SLC6A11: variants seen among roughly 807,000 people sequenced by gnomAD.
SLC6A11 encodes solute carrier family 6 member 11, also known as sodium- and chloride-dependent GABA transporter 3.
A neutral mutation model predicts 74.8 loss-of-function variants in SLC6A11; 25 were observed. The ratio of observed to expected loss-of-function variants is 0.33; its 90% confidence interval spans 0.24 to 0.47. The LOEUF is 0.47. Ranked by LOEUF, SLC6A11 falls within the 20% of genes least tolerant of loss-of-function variation. The pLI is 1.00. For missense variants in SLC6A11, 574 were observed against 837.0 expected, an observed-to-expected ratio of 0.69 and a Z score of 3.88; for synonymous variants, 330 against 330.2, an observed-to-expected ratio of 1.00 and a Z score of 0.01.
intron 5 of SLC6A11, among the ~76,000 whole-genome samples, chr3:10,861,702 G>T (rs992284439): frequency 2.6e-5 from 4 of 152,166 alleles, no homozygotes; most frequent in Non-Finnish European, 5.9e-5. Flanking sequence ...GTCCCTGGGG[G>T]ACCCTGGTGT....
At chr3:10,935,336 C>G (rs1482961739) in intron 13 of SLC6A11, 137 bp downstream of exon 13, 1 of 741,166 alleles carries the variant, frequency 1.3e-6, no homozygotes, top group Non-Finnish European at 2.2e-6. Flanking sequence ...TCCTCTCTGG[C>G]CAATGTTCAG....
At chr3:10,889,362 G>A (rs1228689507) in intron 6 of SLC6A11, among the ~76,000 whole-genome samples, 1 of 152,046 alleles carries the variant, frequency 6.6e-6, no homozygotes, top group East Asian at 1.9e-4. Flanking sequence ...GTGCAATGTT[G>A]TAGCTCCAGT....
Position 10,926,186 on chromosome 3 carries a change from T to A in SLC6A11, c.1233+70T>A. ...GGGCCAGGAGGCCAGACGCCACCCTTAGGAGTGGCTCCCCAGGCCCAGCCA... is the reference window on the plus strand; with the variant it reads ...GGGCCAGGAGGCCAGACGCCACCCTAAGGAGTGGCTCCCCAGGCCCAGCCA... On this transcript the variant is annotated intron_variant, in intron 9 of 13. Coordinates refer to ENST00000254488, the MANE Select transcript of SLC6A11 (RefSeq NM_014229.3). This position sits in a 1 kb window ranked among gnomAD's most constrained non-coding sequence, Gnocchi z 5.7. 1.0e-6 allele frequency: 1 copy of A among 986,142 alleles called. No homozygotes were observed. Among genetic ancestry groups the A allele is most frequent in the Non-Finnish European group, 1.6e-6 (1 of 644,522 alleles). 61.1% of individuals were successfully genotyped at this position (986,142 alleles called of 1,614,324 possible). A position where few individuals can be genotyped will look rare whatever the true frequency, so the allele number is the denominator to read the frequency against.
intron 6 of SLC6A11, among the ~76,000 whole-genome samples, chr3:10,908,516 A>T (rs1433016797): frequency 1.3e-5 from 2 of 152,188 alleles, no homozygotes; most frequent in Non-Finnish European, 2.9e-5. Flanking sequence ...TTAAAGATTC[A>T]TGTGAATCTT....
chr3:10,845,742 CA>C, intron 5 of SLC6A11, among the ~76,000 whole-genome samples: 1 of 152,206 alleles, frequency 6.6e-6, no homozygotes, highest in East Asian at 1.9e-4. Context: ...GAAAGTAGAG[CA>C]GAGACTCTCA....
At chr3:10,833,505 G>A (rs998009293) in intron 4 of SLC6A11, among the ~76,000 whole-genome samples, 13 of 152,176 alleles carry the variant, frequency 8.5e-5, no homozygotes, top group Non-Finnish European at 1.0e-4. Flanking sequence ...GATGCCATCC[G>A]AATGCTATAC....
intron 5 of SLC6A11, among the ~76,000 whole-genome samples, chr3:10,874,704 A>G (rs770806229): frequency 1.3e-5 from 2 of 152,112 alleles, no homozygotes; most frequent in Admixed American, 6.5e-5. Flanking sequence ...CACAACTGCC[A>G]TCCCACTCTT....
chr3:10,934,642 A>T (rs1695734963), intron 12 of SLC6A11, among the ~76,000 whole-genome samples: 1 of 152,264 alleles, frequency 6.6e-6, no homozygotes, highest in African/African-American at 2.4e-5. Context: ...CACTGGAAGT[A>T]ACTCAGCATC....
intron 6 of SLC6A11, among the ~76,000 whole-genome samples, chr3:10,910,521 G>A (rs1695372188): frequency 6.6e-6 from 1 of 152,198 alleles, no homozygotes; most frequent in Admixed American, 6.5e-5. Flanking sequence ...GTCTGGGTCA[G>A]AAGATAGTGA....
chr3:10,908,390 G>T (rs946501201), intron 6 of SLC6A11, among the ~76,000 whole-genome samples: 2 of 152,162 alleles, frequency 1.3e-5, no homozygotes, highest in Admixed American at 6.5e-5. Context: ...AAAAGGGGAG[G>T]ATTAAGCGTA....
intron 5 of SLC6A11, among the ~76,000 whole-genome samples, chr3:10,845,932 G>A (rs1694497065): frequency 6.6e-6 from 1 of 152,164 alleles, no homozygotes; most frequent in African/African-American, 2.4e-5. Flanking sequence ...AAAGCTGGAG[G>A]TAATAAGAGC....
intron 5 of SLC6A11, among the ~76,000 whole-genome samples, chr3:10,874,367 G>A (rs535049683): frequency 5.0e-4 from 76 of 152,324 alleles, no homozygotes; most frequent in African/African-American, 1.7e-3. Flanking sequence ...AGCACTGAGA[G>A]ACCTAGCCTG....
At chr3:10,856,926 T>C (rs1373383205) in intron 5 of SLC6A11, among the ~76,000 whole-genome samples, 1 of 152,170 alleles carries the variant, frequency 6.6e-6, no homozygotes, top group African/African-American at 2.4e-5. Flanking sequence ...CGGGTTGTTA[T>C]AAGGCTCAAG....
rs754572937 is a variant in SLC6A11 at position 10,912,106 on chromosome 3, G to A, written c.908G>A (p.Gly303Glu). 1 of 1,613,468 alleles carries A rather than the reference G, an allele frequency of 6.2e-7. No individual in the cohort carries two copies. Among genetic ancestry groups the A allele is most frequent in the Admixed American group, 1.7e-5 (1 of 60,020 alleles). Residue 303 changes from glycine to glutamate, a missense_variant, in exon 7 of 14, where the codon GGA becomes GAA. Physicochemically the swap from Gly to Glu is moderately conservative, Grantham distance 98. This residue lies in a region of SLC6A11 where 215 missense variants were observed against 357.9 expected (regional missense o/e 0.60). Transcript: ENST00000254488. The part of the protein sequence containing the change: ...LSDPQVWVDA[G>E]TQIFFSYAIC... Reference sequence around the variant, plus strand: ...TTCCTACAGGTCTGGGTAGATGCTGGAACGCAGATCTTTTTCTCCTATGCC... The same window carrying A: ...TTCCTACAGGTCTGGGTAGATGCTGAAACGCAGATCTTTTTCTCCTATGCC...
intron 4 of SLC6A11, among the ~76,000 whole-genome samples, chr3:10,834,026 G>A (rs1694333504): frequency 6.6e-6 from 1 of 152,226 alleles, no homozygotes; most frequent in Non-Finnish European, 1.5e-5. Flanking sequence ...GCCCTGCACA[G>A]GGCCCTCTAA....
Position 10,918,738 on chromosome 3 carries a change from C to T in SLC6A11, c.1120+285C>T, listed in dbSNP as rs539405601. 1.3e-4 allele frequency among the ~76,000 whole-genome samples: 20 copies of T among 152,302 alleles called. No individual in the cohort carries two copies. Among genetic ancestry groups the T allele is most frequent in the African/African-American group, 4.3e-4 (18 of 41,548 alleles). ...ACCGTCTCCCCACTAGCCCGGACCA[C>T]CATCACTGCTCACCTGGATGGCTCA... On this transcript the variant is annotated intron_variant, in intron 8 of 13. Coordinates refer to ENST00000254488, the MANE Select transcript of SLC6A11 (RefSeq NM_014229.3). This position sits in a 1 kb window ranked among gnomAD's most constrained non-coding sequence, Gnocchi z 4.5.
chr3:10,934,491 C>T (rs1695733045), intron 12 of SLC6A11, among the ~76,000 whole-genome samples: 1 of 152,222 alleles, frequency 6.6e-6, no homozygotes, highest in African/African-American at 2.4e-5. Flanking sequence ...GGCCTGTCCC[C>T]ATCTTGTTGT....
In SLC6A11 at chr3:10,841,532, A is replaced by G. The variant is rs188308274; in HGVS notation, c.624-2682A>G. On this transcript the variant is annotated intron_variant, in intron 4 of 13. Transcript: ENST00000254488. The stretch of plus-strand genomic sequence containing the variant: ...AAATAATTTGAGGATGTTTTCAAAT[A>G]GTGTCTGGTAGAACAAAAGAGCAAT... 1.8e-4 allele frequency among the ~76,000 whole-genome samples: 27 copies of G among 152,390 alleles called. No homozygotes were observed. The East Asian group carries it at 5.2e-3, about 29-fold the overall frequency.
chr3:10,823,520 G>A (rs1390893507), intron 4 of SLC6A11, 128 bp downstream of exon 4: 2 of 677,952 alleles, frequency 3.0e-6, no homozygotes, highest in East Asian at 2.7e-5. Context: ...TGGCTTCTGT[G>A]AGCATTCGAC....
Sources: gnomAD v4.1 joint callset for allele counts (sites outside exome capture counted in the v4.1 genomes callset) on GRCh38, gnomAD v4.1.1 for gene constraint, gnomAD v4.1.1 regional missense constraint, Gnocchi (gnomAD v3.1) non-coding constraint, MANE v1.5 for transcripts, NCBI Gene and HGNC (gene_info 2026-07-23, HGNC 2026-07-21) for gene names.